The following CSMD1 variants were observed in gnomAD, a reference collection of about 807,000 sequenced individuals.
CSMD1 encodes CUB and sushi domain-containing protein 1.
CSMD1 carries 213 observed loss-of-function variants against 417.5 expected under a neutral mutation model. That is an observed-to-expected ratio of 0.51 (90% CI 0.46 to 0.57). CSMD1 has a LOEUF of 0.57. CSMD1 is among the 20% of genes least tolerant of loss of function. CSMD1 has a pLI of 0.00. For synonymous variants in CSMD1, 2,862 were observed against 1,736.8 expected, an observed-to-expected ratio of 1.65 and a Z score of -16.11; for missense variants, 6,923 against 4,529.7, an observed-to-expected ratio of 1.53 and a Z score of -15.17.
chr8:4,477,171 G>T (rs1239680521), intron 2 of CSMD1, among the ~76,000 whole-genome samples: 2 of 152,216 alleles, frequency 1.3e-5, no homozygotes, highest in African/African-American at 2.4e-5. Flanking sequence ...TTATCCCACT[G>T]TCTTCCTGCG....
chr8:4,350,641 G>C (rs373650794), intron 3 of CSMD1, among the ~76,000 whole-genome samples: 9 of 152,206 alleles, frequency 5.9e-5, no homozygotes, highest in Non-Finnish European at 1.0e-4. Context: ...AGAGAATTGC[G>C]AGTTGACTCA....
At chr8:3,603,704 G>C (rs1304037508) in intron 8 of CSMD1, among the ~76,000 whole-genome samples, 3 of 152,068 alleles carry the variant, frequency 2.0e-5, no homozygotes, top group African/African-American at 7.2e-5. Flanking sequence ...ATTCATTATA[G>C]TTTCCAAATT....
At chr8:3,608,225 G>C (rs1342825964) in intron 8 of CSMD1, among the ~76,000 whole-genome samples, 2 of 151,978 alleles carry the variant, frequency 1.3e-5, no homozygotes, top group Non-Finnish European at 2.9e-5. Context: ...CTGAAGGTGG[G>C]CAGGTGCCAC....
At chr8:3,836,352 A>G (rs541600696) in intron 5 of CSMD1, among the ~76,000 whole-genome samples, 75 of 152,298 alleles carry the variant, frequency 4.9e-4, no homozygotes, top group Middle Eastern at 6.8e-3. Context: ...ATGAGGAACT[A>G]GCTATATCCT....
chr8:4,258,385 GGGGAGGATGGAAGGAGGGAGGGAA>G (rs1563348109), intron 3 of CSMD1, among the ~76,000 whole-genome samples: 1 of 10,830 alleles, frequency 9.2e-5, no homozygotes, highest in Admixed American at 9.3e-4. Context: ...GAAGGAGGGA[GGGGAGGATGGAAGGAGGGAGGGAA>G]GGAGGGGAGG....
chr8:3,456,460 C>G (rs943034401), intron 12 of CSMD1, among the ~76,000 whole-genome samples: 4 of 152,168 alleles, frequency 2.6e-5, no homozygotes, highest in Admixed American at 2.6e-4. Flanking sequence ...CTCCTATTTT[C>G]TAATACAATT....
intron 29 of CSMD1, among the ~76,000 whole-genome samples, chr8:3,216,417 A>G (rs1180953528): frequency 6.6e-6 from 1 of 152,162 alleles, no homozygotes; most frequent in Non-Finnish European, 1.5e-5. Flanking sequence ...AAAATAAAAA[A>G]TTTCCCAGTA....
chr8:3,788,474 G>C lies in CSMD1; in HGVS notation c.819-34432C>G, dbSNP rs563916990. On this transcript the variant is annotated intron_variant, in intron 5 of 69. Transcript: ENST00000635120. ...GAGGCAGAAATCAAAATAGAACTGGGGAATTCTTTCCTACTTAAGAACTTC... is the reference window on the plus strand; with the variant it reads ...GAGGCAGAAATCAAAATAGAACTGGCGAATTCTTTCCTACTTAAGAACTTC... Among the ~76,000 whole-genome samples the C allele has an allele frequency of 2.0e-5, 3 of 152,072 alleles. No individual in the cohort carries two copies. In the South Asian group the frequency reaches 6.2e-4, roughly 32 times the overall value.
At chr8:4,400,839 A>G (rs958501938) in intron 3 of CSMD1, among the ~76,000 whole-genome samples, 2 of 151,308 alleles carry the variant, frequency 1.3e-5, no homozygotes, top group East Asian at 1.9e-4. Context: ...TTTGAAGAAC[A>G]TTTTTTATTT....
At chr8:4,327,814 G>C (rs903472849) in intron 3 of CSMD1, among the ~76,000 whole-genome samples, 2 of 152,200 alleles carry the variant, frequency 1.3e-5, no homozygotes, top group South Asian at 2.1e-4. Flanking sequence ...AATGTCTCCT[G>C]TAAGTATAAA....
chr8:4,896,614 T>G (rs79926459), intron 1 of CSMD1, among the ~76,000 whole-genome samples: 1,586 of 152,216 alleles, frequency 0.01, 49 homozygotes, highest in African/African-American at 0.036. Context: ...CCATTCTGAG[T>G]CCCAGTGGAA....
chr8:4,911,764 T>G (rs893740488), intron 1 of CSMD1, among the ~76,000 whole-genome samples: 5 of 152,152 alleles, frequency 3.3e-5, no homozygotes, highest in African/African-American at 1.2e-4. Context: ...CTTCTTGGGC[T>G]TCCAACATAG....
chr8:4,623,260 G>A (rs958575179), intron 2 of CSMD1, among the ~76,000 whole-genome samples: 2 of 151,946 alleles, frequency 1.3e-5, no homozygotes, highest in Non-Finnish European at 2.9e-5. Context: ...TGGTCATCAG[G>A]GAAATGCAAA....
intron 1 of CSMD1, among the ~76,000 whole-genome samples, chr8:4,641,106 A>G (rs1468653880): frequency 6.6e-6 from 1 of 151,492 alleles, no homozygotes; most frequent in East Asian, 2.0e-4. Flanking sequence ...ATGCAATTAC[A>G]CATATACCAA....
chr8:4,686,097 G>A (rs769691664), intron 1 of CSMD1, among the ~76,000 whole-genome samples: 11 of 151,936 alleles, frequency 7.2e-5, no homozygotes, highest in Non-Finnish European at 1.5e-4. Flanking sequence ...TCACTTTTTC[G>A]TTACAGAAGC....
chr8:3,891,341 C>T (rs1012631162), intron 5 of CSMD1, among the ~76,000 whole-genome samples: 13 of 152,106 alleles, frequency 8.5e-5, no homozygotes, highest in South Asian at 2.1e-4. Context: ...TGAGCCACCG[C>T]GCCTATCCTG....
At chr8:3,529,674 G>C (rs1371710579) in intron 10 of CSMD1, among the ~76,000 whole-genome samples, 3 of 152,180 alleles carry the variant, frequency 2.0e-5, no homozygotes, top group African/African-American at 7.2e-5. Flanking sequence ...TCTCAGAAGA[G>C]CTTACTAAGC....
At chr8:4,183,256 A>G (rs1399437040) in intron 3 of CSMD1, among the ~76,000 whole-genome samples, 1 of 152,214 alleles carries the variant, frequency 6.6e-6, no homozygotes, top group Non-Finnish European at 1.5e-5. Flanking sequence ...TTTGCAGTAG[A>G]CTGAAAATTT....
intron 2 of CSMD1, among the ~76,000 whole-genome samples, chr8:4,526,899 T>A (rs538882507): frequency 2.0e-5 from 3 of 152,182 alleles, no homozygotes; most frequent in African/African-American, 7.2e-5. Flanking sequence ...CTATTGTGAA[T>A]GATCAAACAT....
Sources: gnomAD v4.1 joint callset for allele counts (sites outside exome capture counted in the v4.1 genomes callset) on GRCh38, gnomAD v4.1.1 for gene constraint, MANE v1.5 for transcripts, NCBI Gene and HGNC (gene_info 2026-07-23, HGNC 2026-07-21) for gene names.